MIDEAS: variants seen among roughly 807,000 people sequenced by gnomAD.
MIDEAS encodes the protein mitotic deacetylase associated SANT domain protein.
Under a neutral mutation model 102.7 loss-of-function variants are expected in MIDEAS, and 26 were observed. That is an observed-to-expected ratio of 0.25 (90% CI 0.19 to 0.35). The LOEUF is 0.35. MIDEAS is among the 10% of genes least tolerant of loss of function. MIDEAS has a pLI of 1.00. For synonymous variants in MIDEAS, 585 were observed against 591.0 expected, an observed-to-expected ratio of 0.99 and a Z score of 0.15; for missense variants, 1,231 against 1,435.6, an observed-to-expected ratio of 0.86 and a Z score of 2.30.
upstream of MIDEAS, among the ~76,000 whole-genome samples, chr14:73,764,339 C>CAAAAAAAAAAAAAAAAAAAA (rs5809629): frequency 2.2e-4 from 19 of 88,202 alleles, 1 homozygote; most frequent in Non-Finnish European, 2.7e-4. Flanking sequence ...GACCCTGTCT[C>CAAAAAAAAAAAAAAAAAAAA]AAAAAAAAAA....
At chr14:73,767,256 A>T in intron 1 of MIDEAS, among the ~76,000 whole-genome samples, 1 of 152,200 alleles carries the variant, frequency 6.6e-6, no homozygotes, top group East Asian at 1.9e-4. Flanking sequence ...ATTGAGGCTC[A>T]GTCTCCTAAA....
intron 1 of MIDEAS, among the ~76,000 whole-genome samples, chr14:73,780,826 T>C (rs1033527634): frequency 2.0e-5 from 3 of 152,182 alleles, no homozygotes; most frequent in Non-Finnish European, 4.4e-5. Flanking sequence ...GGGGCTTTGA[T>C]AGCAATTAAG....
intron 1 of MIDEAS, among the ~76,000 whole-genome samples, chr14:73,741,282 A>C (rs921322249): frequency 6.6e-6 from 1 of 152,078 alleles, no homozygotes; most frequent in Non-Finnish European, 1.5e-5. Flanking sequence ...ACAGAACAGA[A>C]TCTAGACCTG....
intron 1 of MIDEAS, among the ~76,000 whole-genome samples, chr14:73,744,118 C>G (rs990614790): frequency 2.0e-5 from 3 of 151,566 alleles, no homozygotes; most frequent in Non-Finnish European, 2.9e-5. Context: ...GGGGAAGGTG[C>G]TGGAAAGGCC....
rs777999728 is a variant in MIDEAS at position 73,726,103 on chromosome 14, C to A, written c.2415G>T (p.Thr805=). Residue 805 remains threonine (T), a synonymous_variant, in exon 8 of 13, where the codon ACG becomes ACT. Transcript: ENST00000423556. ...GCTTCTTCAGCAGCAGCTTATTCAG[C>A]GTTTCCTGGAGGGGAAGTGAGGGAA... The part of the protein sequence containing the change: ...LHESRGDILE[T]LNKLLLKKPL... 6.3e-7 allele frequency: 1 copy of A among 1,590,386 alleles called. No individual in the cohort carries two copies. The highest frequency in any genetic ancestry group is 1.1e-5 in the South Asian group (1 of 87,160).
Position 73,738,727 on chromosome 14 carries a change from T to A in MIDEAS, c.1282A>T (p.Met428Leu). The change falls in exon 2 of 13, where the codon ATG becomes TTG. Residue 428 changes from methionine to leucine, a missense_variant. Around this residue, in one of 5 missense-constraint regions of MIDEAS, gnomAD observed 758 missense variants for 856.0 expected, o/e 0.89. Transcript: ENST00000423556. ...GCCCTCATGCCCTCCTCGCTGCCCA[T>A]GGCAGGAGCCTCTCGCTCCCGGCCA... ...PNGREREAPAMGSEEGMRAVS... is the reference protein window; with the variant it reads ...PNGREREAPALGSEEGMRAVS... 1 of 1,612,944 alleles carries A rather than the reference T, an allele frequency of 6.2e-7. No homozygotes were observed.
At position 73,720,620 on chromosome 14, in the gene MIDEAS, C is replaced by A. The variant is rs60595783; in HGVS notation, c.2937+677G>T. The stretch of plus-strand genomic sequence containing the variant: ...CCAATAAACCCCTTCCCCTCCTTAC[C>A]CCTTTCTGGGAGAACTCTCCCTGGC... On this transcript the variant is annotated intron_variant, in intron 11 of 12. Transcript: ENST00000423556. Among the ~76,000 whole-genome samples the A allele has an allele frequency of 4.1e-3, 622 of 152,238 alleles. 2 individuals are homozygous for A. The highest frequency in any genetic ancestry group is 0.014 in the African/African-American group (597 of 41,540).
intron 3 of MIDEAS, 35 bp from the exon 4 acceptor site, chr14:73,730,020 C>A (rs1368120735): frequency 1.3e-6 from 2 of 1,597,852 alleles, no homozygotes; most frequent in Non-Finnish European, 1.7e-6. Flanking sequence ...CGGCTCAGCC[C>A]CCCGTGTCCC....
At chr14:73,719,077 G>A (rs1033645623) in intron 12 of MIDEAS, 69 bp from the exon 13 acceptor site, 5 of 1,446,950 alleles carry the variant, frequency 3.5e-6, no homozygotes, top group Non-Finnish European at 4.5e-6. Flanking sequence ...GGGTGCGCGA[G>A]GAGCCCCAGC....
intron 1 of MIDEAS, among the ~76,000 whole-genome samples, chr14:73,771,128 T>C (rs991048193): frequency 6.6e-6 from 1 of 152,100 alleles, no homozygotes; most frequent in South Asian, 2.1e-4. Flanking sequence ...CTAATGAGCA[T>C]CCAGGCGTGC....
At position 73,716,417 on chromosome 14, in the gene MIDEAS, GT is replaced by G. The variant is rs2052889877; in HGVS notation, c.*2425del. ...CGGCCAGGCACGGTGGTTCACGCCT[GT>G]AATGCCAGCACTTTGGGAGGCCGAG... On this transcript the variant is annotated 3_prime_UTR_variant, in exon 13 of 13. Coordinates refer to ENST00000423556, the MANE Select transcript of MIDEAS (RefSeq NM_001367710.1). 1 of 152,118 alleles carries G rather than the reference GT, an allele frequency of 6.6e-6. No individual in the cohort carries two copies. Among genetic ancestry groups the G allele is most frequent in the African/African-American group, 2.4e-5 (1 of 41,402 alleles). The allele number at this position is 152,118 out of a possible 1,614,324, so 9.4% of individuals were successfully genotyped here.
intron 1 of MIDEAS, among the ~76,000 whole-genome samples, chr14:73,765,562 C>T (rs2140162549): frequency 6.6e-6 from 1 of 152,316 alleles, no homozygotes; most frequent in African/African-American, 2.4e-5. Context: ...TAGCTCCCAT[C>T]ATCTACTGCA....
chr14:73,742,530 CCCT>C lies in MIDEAS; in HGVS notation c.-247-2278_-247-2276del, dbSNP rs2053295823. ...GGCTTACCCACAGCTGTATGGTCAGCCCTGGAGGAGCTGAGCTCAGCTGGGAAG... is the reference window on the plus strand; with the variant it reads ...GGCTTACCCACAGCTGTATGGTCAGCGGAGGAGCTGAGCTCAGCTGGGAAG... On this transcript the variant is annotated intron_variant, in intron 1 of 12. Transcript: ENST00000423556. This position sits in a 1 kb window ranked among gnomAD's most constrained non-coding sequence, Gnocchi z 4.4. 6.6e-6 allele frequency among the ~76,000 whole-genome samples: 1 copy of C among 152,234 alleles called. No homozygotes were observed. The highest frequency in any genetic ancestry group is 2.4e-5 in the African/African-American group (1 of 41,460).
At chr14:73,755,751 A>C (rs9323592) in intron 1 of MIDEAS, among the ~76,000 whole-genome samples, 15,905 of 152,120 alleles carry the variant, frequency 0.1, 1,667 homozygotes, top group African/African-American at 0.27. Context: ...GGGCACAATA[A>C]ACTTCATTTA....
chr14:73,738,316 G>C (rs1595267263), intron 2 of MIDEAS, among the ~76,000 whole-genome samples: 1 of 152,128 alleles, frequency 6.6e-6, no homozygotes, highest in African/African-American at 2.4e-5. Context: ...AGAATCACTT[G>C]AACCCGGTGA....
rs1173631801 is a variant in MIDEAS, at chr14:73,725,063, C to A, written c.2574+209G>T. ...GAGACCCCAGAGCTTGGCCACCCTA[C>A]CCTGAAGTGAGGAAAGGATGCTTAG... On this transcript the variant is annotated intron_variant, in intron 9 of 12. Transcript: ENST00000423556. This position sits in a 1 kb window ranked among gnomAD's most constrained non-coding sequence, Gnocchi z 4.1. 2.1e-6 allele frequency: 1 copy of A among 483,950 alleles called. No individual in the cohort carries two copies. Among genetic ancestry groups the A allele is most frequent in the East Asian group, 3.9e-5 (1 of 25,532 alleles). The allele number at this position is 483,950 out of a possible 1,614,324, so 30.0% of individuals were successfully genotyped here. A position where few individuals can be genotyped will look rare whatever the true frequency, so the allele number is the denominator to read the frequency against.
intron 1 of MIDEAS, among the ~76,000 whole-genome samples, chr14:73,771,571 G>C (rs1320541530): frequency 6.6e-6 from 1 of 152,198 alleles, no homozygotes; most frequent in African/African-American, 2.4e-5. Context: ...TGGTGGGTGA[G>C]AAGGCCATTC....
In MIDEAS at chr14:73,742,244, T is replaced by C. The variant is rs2053291095; in HGVS notation, c.-247-1989A>G. On this transcript the variant is annotated intron_variant, in intron 1 of 12. Coordinates refer to ENST00000423556, the MANE Select transcript of MIDEAS (RefSeq NM_001367710.1). This position sits in a 1 kb window ranked among gnomAD's most constrained non-coding sequence, Gnocchi z 4.4. ...TCCAGGGGGCTGCGAGCCCCTCCAG[T>C]GGGCGCTCACACACACTCACGCCTC... 2.0e-5 allele frequency among the ~76,000 whole-genome samples: 3 copies of C among 152,224 alleles called. No homozygotes were observed. The highest frequency in any genetic ancestry group is 7.2e-5 in the African/African-American group (3 of 41,456).
upstream of MIDEAS, among the ~76,000 whole-genome samples, chr14:73,763,751 A>G (rs1244765142): frequency 2.0e-5 from 3 of 152,114 alleles, no homozygotes; most frequent in Non-Finnish European, 2.9e-5. Context: ...CCAGGACCTC[A>G]TTACCTACAA....
Sources: allele counts gnomAD v4.1 joint callset (sites outside exome capture counted in the v4.1 genomes callset), GRCh38; gene constraint gnomAD v4.1.1; regional missense constraint gnomAD v4.1.1; non-coding constraint Gnocchi (gnomAD v3.1); transcripts MANE v1.5; gene names NCBI Gene and HGNC (gene_info 2026-07-23, HGNC 2026-07-21).